The following NPR3 variants were observed in gnomAD, a reference collection of about 807,000 sequenced individuals.
The protein encoded by NPR3 is natriuretic peptide receptor 3, also known as atrial natriuretic peptide receptor 3.
A neutral mutation model predicts 54.5 loss-of-function variants in NPR3; 34 were observed. The observed-to-expected ratio is 0.62, with a 90% CI of 0.47 to 0.83. NPR3 has a LOEUF of 0.83. NPR3 is among the 40% of genes least tolerant of loss of function. The pLI is 0.00. For synonymous variants in NPR3, 289 were observed against 297.1 expected, an observed-to-expected ratio of 0.97 and a Z score of 0.28; for missense variants, 674 against 720.8, an observed-to-expected ratio of 0.94 and a Z score of 0.74.
At chr5:32,703,577 C>G (rs1477838756) in intron 1 of NPR3, among the ~76,000 whole-genome samples, 1 of 152,166 alleles carries the variant, frequency 6.6e-6, no homozygotes, top group African/African-American at 2.4e-5. Flanking sequence ...GTGATAAATC[C>G]TGCCAGGACT....
At chr5:32,773,601 C>T (rs1474276321) in intron 3 of NPR3, among the ~76,000 whole-genome samples, 2 of 152,104 alleles carry the variant, frequency 1.3e-5, no homozygotes, top group African/African-American at 2.4e-5. Context: ...GAGAAACATC[C>T]CTTCATCTTC....
intron 1 of NPR3, among the ~76,000 whole-genome samples, chr5:32,714,292 C>G (rs1377874333): frequency 6.6e-6 from 1 of 152,198 alleles, no homozygotes; most frequent in East Asian, 1.9e-4. Flanking sequence ...GATACAAAAC[C>G]AAGGGCATGT....
chr5:32,742,241 G>A (rs933075007), intron 3 of NPR3, among the ~76,000 whole-genome samples: 9 of 151,964 alleles, frequency 5.9e-5, no homozygotes, highest in South Asian at 4.1e-4. Flanking sequence ...AATTTACCAT[G>A]CATTTTCCAA....
intron 7 of NPR3, among the ~76,000 whole-genome samples, chr5:32,785,289 A>G (rs1476093858): frequency 1.3e-5 from 2 of 152,002 alleles, no homozygotes; most frequent in Non-Finnish European, 2.9e-5. Context: ...AGCTGGGACT[A>G]CAGGTGCAGA....
intron 3 of NPR3, among the ~76,000 whole-genome samples, chr5:32,756,838 C>A (rs1287465103): frequency 3.3e-5 from 5 of 152,296 alleles, no homozygotes; most frequent in African/African-American, 1.2e-4. Context: ...CCAGTTTTCC[C>A]AGCACCATTT....
upstream of NPR3, among the ~76,000 whole-genome samples, chr5:32,708,172 C>T (rs1368016216): frequency 1.3e-5 from 2 of 152,058 alleles, no homozygotes; most frequent in East Asian, 3.9e-4. Flanking sequence ...TTTCCCATAA[C>T]TTTCCTTTGG....
At chr5:32,749,493 T>C (rs1310996179) in intron 3 of NPR3, among the ~76,000 whole-genome samples, 1 of 152,226 alleles carries the variant, frequency 6.6e-6, no homozygotes, top group Non-Finnish European at 1.5e-5. Flanking sequence ...TCTGTGTGTA[T>C]GAGTGGAACT....
At chr5:32,694,789 A>T (rs1389727498) in intron 1 of NPR3, among the ~76,000 whole-genome samples, 1 of 152,158 alleles carries the variant, frequency 6.6e-6, no homozygotes, top group African/African-American at 2.4e-5. Flanking sequence ...AAAATACTAG[A>T]TCTTATTCAT....
chr5:32,713,058 A>C, intron 1 of NPR3: 2 of 565,148 alleles, frequency 3.5e-6, no homozygotes, highest in Non-Finnish European at 4.5e-6. Flanking sequence ...TTGTTTCCAC[A>C]GACCCCAGGT....
At chr5:32,730,752 T>TA (rs1183024914) in intron 2 of NPR3, among the ~76,000 whole-genome samples, 6 of 152,116 alleles carry the variant, frequency 3.9e-5, no homozygotes, top group African/African-American at 1.4e-4. Context: ...AAATGTAAAT[T>TA]AAAAAATGTC....
At chr5:32,720,455 G>A (rs946727290) in intron 1 of NPR3, among the ~76,000 whole-genome samples, 1 of 152,094 alleles carries the variant, frequency 6.6e-6, no homozygotes, top group Non-Finnish European at 1.5e-5. Flanking sequence ...CTACCTCTTC[G>A]CATTTCTCTC....
intron 2 of NPR3, among the ~76,000 whole-genome samples, chr5:32,728,465 G>GAA (rs11404168): frequency 0.025 from 3,384 of 137,272 alleles, 123 homozygotes; most frequent in African/African-American, 0.078. Flanking sequence ...CTCTATCTCA[G>GAA]AAAAAAAAAA....
At chr5:32,708,013 AAAAC>A (rs373681444), upstream of NPR3, among the ~76,000 whole-genome samples, 2,694 of 140,148 alleles carry the variant, frequency 0.019, 80 homozygotes, top group Admixed American at 0.061. Flanking sequence ...AAAAAAAAAA[AAAAC>A]AACCCAAACA....
intron 3 of NPR3, among the ~76,000 whole-genome samples, chr5:32,759,764 T>C (rs1741054303): frequency 6.6e-6 from 1 of 152,228 alleles, no homozygotes; most frequent in Admixed American, 6.5e-5. Context: ...TTTCCATGTT[T>C]AGTGCTTCCT....
chr5:32,750,805 C>A (rs1158440838), intron 3 of NPR3, among the ~76,000 whole-genome samples: 1 of 152,184 alleles, frequency 6.6e-6, no homozygotes, highest in Non-Finnish European at 1.5e-5. Context: ...TCAGTGCATT[C>A]TTTTACCCTT....
At chr5:32,705,702 ATATTGGGGATTAC>A (rs1172317736), upstream of NPR3, among the ~76,000 whole-genome samples, 1 of 152,138 alleles carries the variant, frequency 6.6e-6, no homozygotes, top group Non-Finnish European at 1.5e-5. Flanking sequence ...CCCTTTTCAA[ATATTGGGGATTAC>A]AATTCAACAT....
intron 1 of NPR3, among the ~76,000 whole-genome samples, chr5:32,699,691 T>G (rs1740618657): frequency 6.6e-6 from 1 of 152,248 alleles, no homozygotes; most frequent in African/African-American, 2.4e-5. Context: ...TAGTTTATGT[T>G]GTTGTCATTC....
intron 6 of NPR3, among the ~76,000 whole-genome samples, chr5:32,783,779 C>T (rs1437221081): frequency 2.0e-5 from 3 of 152,146 alleles, no homozygotes; most frequent in Non-Finnish European, 4.4e-5. Context: ...TTGTTACTTG[C>T]TGGTTTTGTG....
chr5:32,784,820 T>C lies in NPR3; in HGVS notation c.1451T>C (p.Val484Ala). 2.5e-6 allele frequency: 4 copies of C among 1,613,836 alleles called. No homozygotes were observed. Among genetic ancestry groups the C allele is most frequent in the Non-Finnish European group, 3.4e-6 (4 of 1,179,784 alleles). The change falls in exon 7 of 8, where the codon GTG (valine) becomes GCG (alanine). Residue 484 changes from valine (V) to alanine (A), a missense_variant. Coordinates refer to ENST00000265074, the MANE Select transcript of NPR3 (RefSeq NM_001204375.2). ...GCAGGTGGCCTAGAAGAATCGGCAG[T>C]GACAGGAATTGTCGTGGGGGCTTTA... ...KSSGGLEESA[V>A]TGIVVGALLG...
Sources: gnomAD v4.1 joint callset for allele counts (sites outside exome capture counted in the v4.1 genomes callset) on GRCh38, gnomAD v4.1.1 for gene constraint, MANE v1.5 for transcripts, NCBI Gene and HGNC (gene_info 2026-07-23, HGNC 2026-07-21) for gene names.